PDE9A: variants seen among roughly 807,000 people sequenced by gnomAD.
PDE9A encodes high affinity cGMP-specific 3',5'-cyclic phosphodiesterase 9A.
In PDE9A, 60 loss-of-function variants were observed where a neutral mutation model predicts 87.4. That is an observed-to-expected ratio of 0.69 (90% CI 0.56 to 0.85). The LOEUF (loss-of-function observed/expected upper bound fraction) is 0.85. Ranked by LOEUF, PDE9A falls within the 40% of genes least tolerant of loss-of-function variation. PDE9A has a pLI of 0.00. For missense variants in PDE9A, 665 were observed against 779.0 expected (o/e 0.85, Z 1.74); for synonymous variants, 272 against 279.4 (o/e 0.97, Z 0.27).
In PDE9A at chr21:42,696,081, G is replaced by A. The variant is rs770598894; in HGVS notation, c.219-2887G>A. Among the ~76,000 whole-genome samples, 4 of 152,184 alleles carry A rather than the reference G, an allele frequency of 2.6e-5. No homozygotes were observed. Among genetic ancestry groups the A allele is most frequent in the South Asian group, 2.1e-4 (1 of 4,830 alleles). The stretch of plus-strand genomic sequence containing the variant: ...CTGCCCTCAGCTTACCAGACTCCTC[G>A]GAGAGGCTGGCCTCTGAATTGGTTG... On this transcript the variant is annotated intron_variant, in intron 3 of 19. Coordinates refer to ENST00000291539, the MANE Select transcript of PDE9A (RefSeq NM_002606.3). The surrounding 1 kb of genome is among the most constrained non-coding windows in gnomAD (Gnocchi z 5.1).
intron 1 of PDE9A, among the ~76,000 whole-genome samples, chr21:42,673,238 T>C (rs1427692496): frequency 6.6e-6 from 1 of 152,158 alleles, no homozygotes; most frequent in Non-Finnish European, 1.5e-5. Context: ...CATCTCCACC[T>C]CCTCTCTTCC....
Position 42,700,069 on chromosome 21 carries a change from A to G in PDE9A, c.262+1058A>G, listed in dbSNP as rs149864222. 7.8e-4 allele frequency among the ~76,000 whole-genome samples: 119 copies of G among 152,266 alleles called. 2 individuals carry two copies. The East Asian group carries it at 0.02, about 26-fold the overall frequency. On this transcript the variant is annotated intron_variant, in intron 4 of 19. Transcript: ENST00000291539. ...GTCCACAACGGACCTGCTTTCTGACATCATCCATGAGATTTCTTTTTGAGA... is the reference window on the plus strand; with the variant it reads ...GTCCACAACGGACCTGCTTTCTGACGTCATCCATGAGATTTCTTTTTGAGA...
At chr21:42,658,165 A>G (rs1346531925) in intron 1 of PDE9A, among the ~76,000 whole-genome samples, 1 of 151,924 alleles carries the variant, frequency 6.6e-6, no homozygotes, top group Non-Finnish European at 1.5e-5. Flanking sequence ...CCTTCTCGTG[A>G]TGCTTCCACC....
chr21:42,685,995 G>A (rs1442539840), intron 1 of PDE9A, among the ~76,000 whole-genome samples, 197 bp from the exon 2 acceptor site: 1 of 152,136 alleles, frequency 6.6e-6, no homozygotes, highest in African/African-American at 2.4e-5. Context: ...CACTGAACAC[G>A]ACAATGACAT....
intron 7 of PDE9A, among the ~76,000 whole-genome samples, chr21:42,740,607 ATGGATGGATG>A (rs2053051240): frequency 8.5e-6 from 1 of 118,314 alleles, no homozygotes; most frequent in African/African-American, 3.1e-5. Flanking sequence ...GGATGGATGG[ATGGATGGATG>A]GATGGATGAA....
At chr21:42,773,887 A>G (rs561019973) in intron 19 of PDE9A, among the ~76,000 whole-genome samples, 206 of 150,986 alleles carry the variant, frequency 1.4e-3, no homozygotes, top group African/African-American at 4.3e-3. Flanking sequence ...GACGGATCAC[A>G]AGGTCAGGAG....
At chr21:42,766,845 T>C (rs925800340) in intron 15 of PDE9A, among the ~76,000 whole-genome samples, 5 of 152,168 alleles carry the variant, frequency 3.3e-5, no homozygotes, top group African/African-American at 4.8e-5. Context: ...GCCCCGCCGA[T>C]GCCTTCCTCC....
chr21:42,682,701 GCTGTGACC>G (rs1489337177), intron 1 of PDE9A, among the ~76,000 whole-genome samples: 1 of 152,176 alleles, frequency 6.6e-6, no homozygotes, highest in African/African-American at 2.4e-5. Flanking sequence ...CATCTTGGAG[GCTGTGACC>G]CTGAGAGCCC....
Position 42,760,779 on chromosome 21 carries a change from C to T in PDE9A, c.1003-46C>T, listed in dbSNP as rs1339198520. Reference sequence around the variant, plus strand: ...CCACCCCCCCTCACCCCATCCCACCCTCCGAGTGAAGAGAGCAAACACCTA... The same window carrying T: ...CCACCCCCCCTCACCCCATCCCACCTTCCGAGTGAAGAGAGCAAACACCTA... On this transcript the variant is annotated intron_variant, in intron 12 of 19. Coordinates refer to ENST00000291539, the MANE Select transcript of PDE9A (RefSeq NM_002606.3). This position sits in a 1 kb window ranked among gnomAD's most constrained non-coding sequence, Gnocchi z 5.2. 3 of 1,089,668 alleles carry T rather than the reference C, an allele frequency of 2.8e-6. No homozygotes were observed. Among genetic ancestry groups the T allele is most frequent in the Admixed American group, 1.7e-5 (1 of 59,170 alleles). The allele number at this position is 1,089,668 out of a possible 1,614,324, so 67.5% of individuals were successfully genotyped here.
intron 3 of PDE9A, 196 bp from the exon 4 acceptor site, chr21:42,698,772 T>C (rs2060278515): frequency 2.2e-6 from 1 of 453,570 alleles, no homozygotes; most frequent in African/African-American, 2.0e-5. Flanking sequence ...AAGGTGATCA[T>C]TTAAATGATA....
At chr21:42,672,187 A>T (rs1229024935) in intron 1 of PDE9A, among the ~76,000 whole-genome samples, 2 of 152,246 alleles carry the variant, frequency 1.3e-5, no homozygotes, top group Non-Finnish European at 1.5e-5. Flanking sequence ...AGAGCTGCAC[A>T]TCCCGTTATG....
intron 4 of PDE9A, among the ~76,000 whole-genome samples, chr21:42,710,878 C>G (rs1410931796): frequency 1.3e-5 from 2 of 152,124 alleles, no homozygotes; most frequent in African/African-American, 4.8e-5. Context: ...ATCCCAGGTA[C>G]TCGAGAGGCT....
chr21:42,747,956 G>A (rs1334909762), intron 8 of PDE9A, among the ~76,000 whole-genome samples: 1 of 152,212 alleles, frequency 6.6e-6, no homozygotes. Context: ...TGCTGAAGAC[G>A]CTGGTTCCCG....
In PDE9A at chr21:42,760,240, A is replaced by G; in HGVS notation, c.898-88A>G. On this transcript the variant is annotated intron_variant, in intron 11 of 19. Transcript: ENST00000291539. The surrounding 1 kb of genome is among the most constrained non-coding windows in gnomAD (Gnocchi z 5.2). Reference sequence around the variant, plus strand: ...GATGAGGGTTTGGCAGAGAATGTTCAAACCAGCGCACAGCCTTCTGGGTGG... The same window carrying G: ...GATGAGGGTTTGGCAGAGAATGTTCGAACCAGCGCACAGCCTTCTGGGTGG... The G allele has an allele frequency of 1.3e-6, 1 of 765,818 alleles. No individual in the cohort carries two copies. Among genetic ancestry groups the G allele is most frequent in the Non-Finnish European group, 2.3e-6 (1 of 436,568 alleles). The allele number at this position is 765,818 out of a possible 1,614,324, so 47.4% of individuals were successfully genotyped here.
At position 42,702,185 on chromosome 21, in the gene PDE9A, T is replaced by TCTTAGA. The variant is rs200053430; in HGVS notation, c.262+3178_262+3183dup. 0.022 allele frequency among the ~76,000 whole-genome samples: 3,338 copies of TCTTAGA among 152,104 alleles called. 63 individuals carry two copies. Among genetic ancestry groups the TCTTAGA allele is most frequent in the Middle Eastern group, 0.037 (11 of 294 alleles). ...CCTTTTTTTCTGTTTGCTTTATTTTTCTTAGACTTTTCCGTGACGTCTTCC... is the reference window on the plus strand; with the variant it reads ...CCTTTTTTTCTGTTTGCTTTATTTTTCTTAGACTTAGACTTTTCCGTGACGTCTTCC... On this transcript the variant is annotated intron_variant, in intron 4 of 19. Coordinates refer to ENST00000291539, the MANE Select transcript of PDE9A (RefSeq NM_002606.3). This position sits in a 1 kb window ranked among gnomAD's most constrained non-coding sequence, Gnocchi z 4.9.
chr21:42,688,115 G>A, intron 3 of PDE9A, 121 bp downstream of exon 3: 1 of 830,014 alleles, frequency 1.2e-6, no homozygotes, highest in Non-Finnish European at 2.0e-6. Context: ...AGCAGAGATG[G>A]AGAGCGAGGG....
At chr21:42,742,714 C>A (rs972414883) in intron 7 of PDE9A, among the ~76,000 whole-genome samples, 2 of 152,122 alleles carry the variant, frequency 1.3e-5, no homozygotes, top group African/African-American at 4.8e-5. Context: ...ATCTGCCCAC[C>A]TCAGCCTCCC....
chr21:42,768,746 G>T (rs1204732031), intron 16 of PDE9A: 18 of 985,324 alleles, frequency 1.8e-5, no homozygotes, highest in Non-Finnish European at 2.2e-5. Flanking sequence ...CCTAGGAGAA[G>T]TCGGGAGGCT....
chr21:42,735,206 G>A (rs565765511), intron 7 of PDE9A, among the ~76,000 whole-genome samples: 4 of 152,268 alleles, frequency 2.6e-5, no homozygotes, highest in East Asian at 1.9e-4. Flanking sequence ...CCCCAGATGC[G>A]GCACCAGCTC....
Sources: allele counts gnomAD v4.1 joint callset (sites outside exome capture counted in the v4.1 genomes callset), GRCh38; gene constraint gnomAD v4.1.1; non-coding constraint Gnocchi (gnomAD v3.1); transcripts MANE v1.5; gene names NCBI Gene and HGNC (gene_info 2026-07-23, HGNC 2026-07-21).